Variants in CLVS1 observed in about 807,000 individuals in gnomAD.
CLVS1 encodes the protein clavesin-1.
CLVS1 carries 10 observed loss-of-function variants against 33.1 expected under a neutral mutation model. The ratio of observed to expected loss-of-function variants is 0.30; its 90% CI spans 0.19 to 0.51. The LOEUF (loss-of-function observed/expected upper bound fraction) is 0.51, where lower values mean the gene tolerates loss of function less well. CLVS1 is among the 20% of genes least tolerant of loss of function. The probability of loss-of-function intolerance (pLI) is 0.97; values close to 1 mark genes in which losing one functional copy is unlikely to be tolerated. For missense variants in CLVS1, 343 were observed against 433.4 expected (o/e 0.79, Z 1.85); for synonymous variants, 163 against 166.1 (o/e 0.98, Z 0.14).
At chr8:61,087,481 C>T (rs1236926083) in intron 1 of CLVS1, among the ~76,000 whole-genome samples, 4 of 152,096 alleles carry the variant, frequency 2.6e-5, no homozygotes, top group South Asian at 2.1e-4. Context: ...TCCTCATGCT[C>T]CAACTCAGAG....
chr8:61,116,981 T>A (rs1805737166), intron 1 of CLVS1, among the ~76,000 whole-genome samples: 4 of 144,746 alleles, frequency 2.8e-5, no homozygotes, highest in African/African-American at 1.1e-4. Flanking sequence ...ATTTTCACAA[T>A]ATTGATTCTT....
chr8:61,259,255 G>T (rs937173770), intron 2 of CLVS1, among the ~76,000 whole-genome samples: 2 of 152,162 alleles, frequency 1.3e-5, no homozygotes, highest in Admixed American at 1.3e-4. Flanking sequence ...ATTTGGCTGA[G>T]GGCTGACATG....
intron 1 of CLVS1, among the ~76,000 whole-genome samples, chr8:61,089,637 G>A (rs1805192483): frequency 6.6e-6 from 1 of 152,190 alleles, no homozygotes; most frequent in Admixed American, 6.5e-5. Context: ...GAATCTACCA[G>A]GCTGGGCATG....
the CLVS1 span, among the ~76,000 whole-genome samples, chr8:61,047,118 C>A: frequency 6.6e-6 from 1 of 152,102 alleles, no homozygotes; most frequent in Non-Finnish European, 1.5e-5. Context: ...AAGAAAAAAA[C>A]AAACAACCCC....
chr8:61,077,456 T>G (rs1349794843), intron 1 of CLVS1, among the ~76,000 whole-genome samples: 7 of 94,780 alleles, frequency 7.4e-5, no homozygotes, highest in South Asian at 4.2e-4. Flanking sequence ...ATTATTATTA[T>G]TATTATTATT....
chr8:61,229,706 C>T (rs760139270), intron 2 of CLVS1, among the ~76,000 whole-genome samples: 5 of 152,240 alleles, frequency 3.3e-5, no homozygotes, highest in Non-Finnish European at 7.3e-5. Flanking sequence ...TCTTGGCTCA[C>T]TGCAACCTCT....
At chr8:61,480,292 C>T (rs151080584) in intron 5 of CLVS1, among the ~76,000 whole-genome samples, 3,226 of 152,328 alleles carry the variant, frequency 0.021, 122 homozygotes, top group African/African-American at 0.074. Flanking sequence ...GCAGGCACCC[C>T]TCCCCCAGCC....
chr8:61,079,043 C>G (rs1396289696), intron 1 of CLVS1, among the ~76,000 whole-genome samples: 1 of 152,082 alleles, frequency 6.6e-6, no homozygotes, highest in Non-Finnish European at 1.5e-5. Context: ...AAGACCAAAA[C>G]ATCAAAACGT....
chr8:61,455,870 A>G (rs1245506153), intron 4 of CLVS1, among the ~76,000 whole-genome samples: 1 of 152,204 alleles, frequency 6.6e-6, no homozygotes, highest in African/African-American at 2.4e-5. Flanking sequence ...AGATGCTTCC[A>G]GGTCCTTTAG....
chr8:61,392,379 T>G (rs961466550), intron 3 of CLVS1, among the ~76,000 whole-genome samples: 1 of 152,096 alleles, frequency 6.6e-6, no homozygotes, highest in African/African-American at 2.4e-5. Flanking sequence ...CATCTAAGTT[T>G]GTTGATTGGT....
At chr8:61,033,035 AAG>A in the CLVS1 span, among the ~76,000 whole-genome samples, 236 of 118,830 alleles carry the variant, frequency 2.0e-3, 3 homozygotes, top group Middle Eastern at 4.2e-3. Flanking sequence ...GAAAGAAAGA[AAG>A]AAAGAAAGAA....
At chr8:61,374,389 C>T (rs190014281) in intron 2 of CLVS1, among the ~76,000 whole-genome samples, 17 of 152,308 alleles carry the variant, frequency 1.1e-4, no homozygotes, top group Admixed American at 5.9e-4. Context: ...TTATGCTCTT[C>T]CTAAGAAAGC....
At chr8:61,454,951 A>C (rs1281409366) in intron 4 of CLVS1, among the ~76,000 whole-genome samples, 1 of 152,190 alleles carries the variant, frequency 6.6e-6, no homozygotes, top group Non-Finnish European at 1.5e-5. Flanking sequence ...AGCTAATGAA[A>C]ACATGTATCA....
At chr8:60,988,352 C>T in the CLVS1 span, among the ~76,000 whole-genome samples, 1 of 152,056 alleles carries the variant, frequency 6.6e-6, no homozygotes, top group South Asian at 2.1e-4. Flanking sequence ...TCCCACCTGC[C>T]AGATACTGGT....
the CLVS1 span, among the ~76,000 whole-genome samples, chr8:61,048,381 C>A: frequency 2.0e-5 from 3 of 152,146 alleles, no homozygotes; most frequent in Admixed American, 2.0e-4. Context: ...CACAGAATCC[C>A]GCAGAAGCCA....
the CLVS1 span, among the ~76,000 whole-genome samples, chr8:60,988,602 T>C: frequency 6.6e-6 from 1 of 152,338 alleles, no homozygotes; most frequent in East Asian, 1.9e-4. Context: ...AATTCTGTAA[T>C]TTAAATTTAT....
chr8:61,475,603 A>C (rs1336423641), intron 5 of CLVS1, among the ~76,000 whole-genome samples: 2 of 152,186 alleles, frequency 1.3e-5, no homozygotes, highest in East Asian at 1.9e-4. Context: ...TCTTTTGAGA[A>C]GTGTCTGTTC....
intron 3 of CLVS1, among the ~76,000 whole-genome samples, chr8:61,410,591 G>T (rs530343181): frequency 2.0e-5 from 3 of 151,946 alleles, no homozygotes; most frequent in Non-Finnish European, 2.9e-5. Flanking sequence ...CTGCATACCC[G>T]CCCCACTCTC....
rs1007843369 is a variant in CLVS1 at position 61,500,137 on chromosome 8, C to T, written c.*595C>T. 1 of 152,618 alleles carries T rather than the reference C, an allele frequency of 6.6e-6. No homozygotes were observed. Among genetic ancestry groups the T allele is most frequent in the Non-Finnish European group, 1.5e-5 (1 of 68,058 alleles). The allele number at this position is 152,618 out of a possible 1,614,324, so 9.5% of individuals were successfully genotyped here. On this transcript the variant is annotated 3_prime_UTR_variant, in exon 6 of 6. Transcript: ENST00000325897. The stretch of plus-strand genomic sequence containing the variant: ...CAAAGTTTGCTTATTTTGATGATAT[C>T]CTGCAAAAAATTATTTTGATGTCAC...
Sources: gnomAD v4.1 joint callset for allele counts (sites outside exome capture counted in the v4.1 genomes callset) on GRCh38, gnomAD v4.1.1 for gene constraint, MANE v1.5 for transcripts, NCBI Gene and HGNC (gene_info 2026-07-23, HGNC 2026-07-21) for gene names.